LUZP2: variants seen among roughly 807,000 people sequenced by gnomAD.
LUZP2 encodes the protein leucine zipper protein 2.
A neutral mutation model predicts 51.6 loss-of-function variants in LUZP2; 52 were observed. That is an observed-to-expected ratio of 1.01 (90% CI 0.81 to 1.27). LUZP2 has a LOEUF of 1.27. LUZP2 is among the 50% of genes most tolerant of loss of function. The probability of loss-of-function intolerance (pLI) is 0.00; values close to 1 mark genes in which losing one functional copy is unlikely to be tolerated. For missense variants in LUZP2, 436 were observed against 395.4 expected, an observed-to-expected ratio of 1.10 and a Z score of -0.87; for synonymous variants, 154 against 137.3, an observed-to-expected ratio of 1.12 and a Z score of -0.85.
intron 5 of LUZP2, among the ~76,000 whole-genome samples, chr11:24,797,011 G>A (rs1343601140): frequency 3.3e-5 from 5 of 152,038 alleles, no homozygotes; most frequent in South Asian, 2.1e-4. Flanking sequence ...TTCAAATTTC[G>A]GCTCATCATT....
rs992252143 is a variant in LUZP2 at position 24,611,813 on chromosome 11, G to A, written c.62+114508G>A. Among the ~76,000 whole-genome samples, 6 of 152,010 alleles carry A rather than the reference G, an allele frequency of 3.9e-5. No individual in the cohort carries two copies. The highest frequency in any genetic ancestry group is 1.9e-4 in the East Asian group (1 of 5,176). On this transcript the variant is annotated intron_variant, in intron 1 of 11. Transcript: ENST00000336930. The surrounding 1 kb of genome is among the most constrained non-coding windows in gnomAD (Gnocchi z 4.6). ...AAAAGGGATACAAAGAGACATAACC[G>A]TAATTTATATAAACTGACTCTCACA...
At chr11:25,032,362 A>C (rs1452474456) in intron 9 of LUZP2, among the ~76,000 whole-genome samples, 1 of 152,204 alleles carries the variant, frequency 6.6e-6, no homozygotes, top group East Asian at 1.9e-4. Context: ...TAGCAACACC[A>C]TGATTTTGGA....
At chr11:24,652,505 T>C (rs1855659267) in intron 1 of LUZP2, among the ~76,000 whole-genome samples, 1 of 152,044 alleles carries the variant, frequency 6.6e-6, no homozygotes, top group Admixed American at 6.6e-5. Flanking sequence ...TGAGAAAAGA[T>C]TAAACGTGAA....
chr11:24,696,276 T>C (rs1207870233), intron 1 of LUZP2, among the ~76,000 whole-genome samples: 1 of 152,102 alleles, frequency 6.6e-6, no homozygotes, highest in Non-Finnish European at 1.5e-5. Flanking sequence ...AAAAATCTTC[T>C]GACAAGGATG....
intron 9 of LUZP2, among the ~76,000 whole-genome samples, chr11:25,048,954 A>C (rs1156673641): frequency 1.3e-5 from 2 of 151,820 alleles, no homozygotes; most frequent in Non-Finnish European, 2.9e-5. Context: ...TAGTTGCTTT[A>C]TTCATGTTCT....
intron 1 of LUZP2, among the ~76,000 whole-genome samples, chr11:24,678,834 G>A (rs182812804): frequency 6.6e-6 from 1 of 152,310 alleles, no homozygotes; most frequent in Non-Finnish European, 1.5e-5. Flanking sequence ...TTATTTGTAA[G>A]AGAGTTCATA....
intron 7 of LUZP2, among the ~76,000 whole-genome samples, chr11:24,929,387 G>A (rs1854377955): frequency 6.6e-6 from 1 of 152,010 alleles, no homozygotes; most frequent in South Asian, 2.1e-4. Flanking sequence ...TACTGCCTTT[G>A]CTGTATCCCA....
chr11:24,652,606 G>A (rs1855662546), intron 1 of LUZP2, among the ~76,000 whole-genome samples: 1 of 152,080 alleles, frequency 6.6e-6, no homozygotes, highest in Non-Finnish European at 1.5e-5. Context: ...GGGAAATAAT[G>A]CTAGAATAAT....
chr11:24,692,004 TTA>T (rs1394679120), intron 1 of LUZP2, among the ~76,000 whole-genome samples: 3 of 152,060 alleles, frequency 2.0e-5, no homozygotes, highest in East Asian at 1.9e-4. Context: ...AACTAAAATA[TTA>T]TATGTTTTCT....
intron 9 of LUZP2, among the ~76,000 whole-genome samples, chr11:25,019,867 T>C (rs1302107105): frequency 6.8e-6 from 1 of 147,514 alleles, no homozygotes; most frequent in African/African-American, 2.7e-5. Context: ...TACTTTATCT[T>C]CTTAAAAATG....
At chr11:24,719,975 C>A (rs2133948858) in intron 1 of LUZP2, among the ~76,000 whole-genome samples, 1 of 152,254 alleles carries the variant, frequency 6.6e-6, no homozygotes, top group Non-Finnish European at 1.5e-5. Context: ...TAAGCCCAAC[C>A]AAGTGAATGG....
intron 1 of LUZP2, among the ~76,000 whole-genome samples, chr11:24,665,968 A>G: frequency 6.6e-6 from 1 of 152,126 alleles, no homozygotes; most frequent in Non-Finnish European, 1.5e-5. Flanking sequence ...CATTATACAT[A>G]ATTTTTCAAG....
At chr11:24,882,162 A>G (rs914305651) in intron 5 of LUZP2, among the ~76,000 whole-genome samples, 2 of 151,994 alleles carry the variant, frequency 1.3e-5, no homozygotes, top group African/African-American at 4.8e-5. Context: ...TCACTTCTCA[A>G]TGAATACATA....
intron 5 of LUZP2, among the ~76,000 whole-genome samples, chr11:24,765,622 C>CTTTTTCT (rs1565125450): frequency 7.8e-6 from 1 of 127,768 alleles, no homozygotes; most frequent in African/African-American, 2.8e-5. Flanking sequence ...CCTTTTTTTT[C>CTTTTTCT]TTTTTTCTTT....
At position 25,037,747 on chromosome 11, in the gene LUZP2, T is replaced by A. The variant is rs971767289; in HGVS notation, c.766-12291T>A. ...ATTTTGGTAGGATATGAAATTCTTG[T>A]TGGATTTTTTTTTTCTTCATGAATG... On this transcript the variant is annotated intron_variant, in intron 9 of 11. Transcript: ENST00000336930. Among the ~76,000 whole-genome samples, 4 of 152,158 alleles carry A rather than the reference T, an allele frequency of 2.6e-5. No homozygotes were observed. In the East Asian group the frequency reaches 7.7e-4, roughly 29 times the overall value.
Position 24,533,874 on chromosome 11 carries a change from C to G in LUZP2, c.62+36569C>G, listed in dbSNP as rs1374739880. On this transcript the variant is annotated intron_variant, in intron 1 of 11. Transcript: ENST00000336930. ...TTAAATAATATATGTATAACCCAGTCACTTAACATATCTGTGCTCCCTTCT... is the reference window on the plus strand; with the variant it reads ...TTAAATAATATATGTATAACCCAGTGACTTAACATATCTGTGCTCCCTTCT... 2.6e-5 allele frequency among the ~76,000 whole-genome samples: 4 copies of G among 151,186 alleles called. No homozygotes were observed. The Admixed American group carries it at 2.7e-4, about 10-fold the overall frequency.
chr11:24,853,781 G>A (rs1392552300), intron 5 of LUZP2, among the ~76,000 whole-genome samples: 1 of 152,134 alleles, frequency 6.6e-6, no homozygotes, highest in African/African-American at 2.4e-5. Context: ...GGTCTTTGAT[G>A]TTGGTGACCT....
At chr11:24,718,117 G>GGAC (rs1277891397) in intron 1 of LUZP2, among the ~76,000 whole-genome samples, 1 of 152,176 alleles carries the variant, frequency 6.6e-6, no homozygotes, top group Non-Finnish European at 1.5e-5. Flanking sequence ...AAAGGAAACA[G>GGAC]GACTATCAAA....
rs1015759131 is a variant in LUZP2, at chr11:24,764,484, C to T, written c.396+1176C>T. On this transcript the variant is annotated intron_variant, in intron 5 of 11. Coordinates refer to ENST00000336930, the MANE Select transcript of LUZP2 (RefSeq NM_001009909.4). ...CAGTCTGGACAACATGGTAAAATCT[C>T]ATCTCTAAAAAAAAAAAAAAAAAAA... 9.2e-5 allele frequency among the ~76,000 whole-genome samples: 7 copies of T among 76,008 alleles called. No individual in the cohort carries two copies. The Admixed American group carries it at 1.1e-3, about 12-fold the overall frequency. The allele number at this position is 76,008 out of a possible 152,430, so 49.9% of individuals were successfully genotyped here. A position where few individuals can be genotyped will look rare whatever the true frequency, so the allele number is the denominator to read the frequency against.
Sources: gnomAD v4.1 joint callset for allele counts (sites outside exome capture counted in the v4.1 genomes callset) on GRCh38, gnomAD v4.1.1 for gene constraint, Gnocchi (gnomAD v3.1) non-coding constraint, MANE v1.5 for transcripts, NCBI Gene and HGNC (gene_info 2026-07-23, HGNC 2026-07-21) for gene names.